The following KCNE3 variants were observed in gnomAD, a reference collection of about 807,000 sequenced individuals.
KCNE3 encodes the protein potassium voltage-gated channel subfamily E member 3.
Under a neutral mutation model 4.3 loss-of-function variants are expected in KCNE3, and 2 were observed. The observed-to-expected ratio is 0.47, with a 90% CI of 0.19 to 1.48. KCNE3 has a LOEUF of 1.48. Among genes scored for constraint, KCNE3 ranks in the 40% most tolerant of loss-of-function variants. The pLI is 0.25. For missense variants in KCNE3, 128 were observed against 136.8 expected, an observed-to-expected ratio of 0.94 and a Z score of 0.32; for synonymous variants, 47 against 52.0, an observed-to-expected ratio of 0.90 and a Z score of 0.41.
In KCNE3 at chr11:74,461,538, G is replaced by A. The variant is rs535466345; in HGVS notation, c.-41+417C>T. 2.6e-5 allele frequency among the ~76,000 whole-genome samples: 4 copies of A among 151,970 alleles called. No homozygotes were observed. In the South Asian group the frequency reaches 8.3e-4, roughly 32 times the overall value. On this transcript the variant is annotated intron_variant, in intron 2 of 2. Coordinates refer to ENST00000310128, the MANE Select transcript of KCNE3 (RefSeq NM_005472.5). ...CTCAGGAGGCTGAGGCAGGAGAACC[G>A]CTTGAACTCAGGAGGTGGAAGTTGC... is the stretch of plus-strand genomic sequence containing the variant.
chr11:74,461,295 TGTGTGTG>T (rs1863948034), intron 2 of KCNE3, among the ~76,000 whole-genome samples: 2 of 22,098 alleles, frequency 9.1e-5, no homozygotes, highest in Non-Finnish European at 3.8e-4. Context: ...TTATGTTTTG[TGTGTGTG>T]TGTGTGTGTG....
chr11:74,457,384 G>A lies in KCNE3; in HGVS notation c.180C>T (p.Tyr60=). The A allele has an allele frequency of 6.2e-7, 1 of 1,614,170 alleles. No homozygotes were observed. The highest frequency in any genetic ancestry group is 8.5e-7 in the Non-Finnish European group (1 of 1,180,002). The change falls in exon 3 of 3, where the codon TAC becomes TAT. Residue 60 remains tyrosine (Y), a synonymous_variant. Coordinates refer to ENST00000310128, the MANE Select transcript of KCNE3 (RefSeq NM_005472.5). Reference sequence around the variant, plus strand: ...CAAATAGAAACATGACAAAGAGAATGTACATGTAGGAGTTGTCATCACGGC... The same window carrying A: ...CAAATAGAAACATGACAAAGAGAATATACATGTAGGAGTTGTCATCACGGC... The part of the protein sequence containing the change: ...LPGRDDNSYM[Y]ILFVMFLFAV...
At chr11:74,458,166 CA>C in intron 2 of KCNE3, among the ~76,000 whole-genome samples, 1 of 152,322 alleles carries the variant, frequency 6.6e-6, no homozygotes, top group African/African-American at 2.4e-5. Context: ...CTGCTATATG[CA>C]ATCACTTATG....
At chr11:74,464,515 A>C (rs1199511173) in intron 1 of KCNE3, among the ~76,000 whole-genome samples, 1 of 152,268 alleles carries the variant, frequency 6.6e-6, no homozygotes, top group African/African-American at 2.4e-5. Context: ...TGGAAGGACA[A>C]AGGAATAGAA....
intron 2 of KCNE3, among the ~76,000 whole-genome samples, chr11:74,459,217 T>C (rs560660709): frequency 3.9e-5 from 6 of 152,108 alleles, no homozygotes; most frequent in Non-Finnish European, 4.4e-5. Context: ...AAATGTTCCT[T>C]TCCCTTCTTC....
intron 2 of KCNE3, 34 bp from the exon 3 acceptor site, chr11:74,457,637 C>T: frequency 7.5e-7 from 1 of 1,334,060 alleles, no homozygotes; most frequent in Admixed American, 1.7e-5. Flanking sequence ...GGGGATGGCT[C>T]TGTCACCTGC....
intron 1 of KCNE3, among the ~76,000 whole-genome samples, chr11:74,465,612 A>G (rs1180761827): frequency 6.6e-6 from 1 of 151,610 alleles, no homozygotes; most frequent in Non-Finnish European, 1.5e-5. Flanking sequence ...ACACAGTCCA[A>G]CTCCCCAGTC....
chr11:74,461,861 G>T (rs543205945), intron 2 of KCNE3, 94 bp downstream of exon 2: 5 of 152,216 alleles, frequency 3.3e-5, no homozygotes, highest in South Asian at 2.1e-4. Context: ...CCATCCCAGG[G>T]CAGGGCAGTT....
rs1449542106 is a variant in KCNE3 at position 74,455,228 on chromosome 11, C to T, written c.*2024G>A. On this transcript the variant is annotated 3_prime_UTR_variant, in exon 3 of 3. Coordinates refer to ENST00000310128, the MANE Select transcript of KCNE3 (RefSeq NM_005472.5). ...CTATAACCCAATTCCTCAGAGATAACTGCTGTCAGAATATTATTTCAGAGT... is the reference window on the plus strand; with the variant it reads ...CTATAACCCAATTCCTCAGAGATAATTGCTGTCAGAATATTATTTCAGAGT... The T allele has an allele frequency of 6.6e-6, 1 of 152,170 alleles. No individual in the cohort carries two copies. Among genetic ancestry groups the T allele is most frequent in the East Asian group, 1.9e-4 (1 of 5,200 alleles). The allele number at this position is 152,170 out of a possible 1,614,324, so 9.4% of individuals were successfully genotyped here.
chr11:74,466,446 A>C (rs1023619523), intron 1 of KCNE3, among the ~76,000 whole-genome samples: 4 of 152,156 alleles, frequency 2.6e-5, no homozygotes, highest in Non-Finnish European at 1.5e-5. Flanking sequence ...GGATGCAAGG[A>C]AATAAGGAGG....
chr11:74,458,941 A>G (rs1038106519), intron 2 of KCNE3, among the ~76,000 whole-genome samples: 16 of 152,286 alleles, frequency 1.1e-4, no homozygotes, highest in Admixed American at 6.5e-4. Context: ...TGCCCTCTCA[A>G]GCATCCTGTG....
At chr11:74,460,483 A>C (rs2135011438) in intron 2 of KCNE3, among the ~76,000 whole-genome samples, 1 of 152,378 alleles carries the variant, frequency 6.6e-6, no homozygotes, top group South Asian at 2.1e-4. Flanking sequence ...GAAAGGAATA[A>C]GTGATGGATA....
In KCNE3 at chr11:74,457,543, C is replaced by T. The variant is rs201582585; in HGVS notation, c.21G>A (p.Thr7=). The T allele has an allele frequency of 3.6e-5, 58 of 1,614,018 alleles. No individual in the cohort carries two copies. Among genetic ancestry groups the T allele is most frequent in the Middle Eastern group, 1.6e-4 (1 of 6,078 alleles). METTNG[T]ETWYESLHAV... ...CATGCAGGCTCTCATACCAGGTCTCCGTTCCATTGGTAGTCTCCATAGCAA... is the reference window on the plus strand; with the variant it reads ...CATGCAGGCTCTCATACCAGGTCTCTGTTCCATTGGTAGTCTCCATAGCAA... The change falls in exon 3 of 3, where the codon ACG becomes ACA. Residue 7 remains threonine, a synonymous_variant. Transcript: ENST00000310128.
At chr11:74,459,420 C>T (rs959445359) in intron 2 of KCNE3, among the ~76,000 whole-genome samples, 9 of 151,954 alleles carry the variant, frequency 5.9e-5, no homozygotes, top group Non-Finnish European at 8.8e-5. Context: ...CGCCATCACG[C>T]CAGGCTAATT....
rs113583236 is a variant in KCNE3, at chr11:74,456,155, A to AATATATATATATATATATATATAT, written c.*1073_*1096dup. The stretch of plus-strand genomic sequence containing the variant: ...ACATGTGAAACCCTGTCTCTACTTA[A>AATATATATATATATATATATATAT]ATATATATATATATATATATATATA... On this transcript the variant is annotated 3_prime_UTR_variant, in exon 3 of 3. Transcript: ENST00000310128. 628 of 113,006 alleles carry AATATATATATATATATATATATAT rather than the reference A, an allele frequency of 5.6e-3. 16 individuals are homozygous for AATATATATATATATATATATATAT. Among genetic ancestry groups the AATATATATATATATATATATATAT allele is most frequent in the South Asian group, 8.3e-3 (27 of 3,268 alleles). The allele number at this position is 113,006 out of a possible 1,614,324, so 7.0% of individuals were successfully genotyped here. A position where few individuals can be genotyped will look rare whatever the true frequency, so the allele number is the denominator to read the frequency against.
chr11:74,465,124 GTA>G (rs1491088407), intron 1 of KCNE3, among the ~76,000 whole-genome samples: 8 of 151,088 alleles, frequency 5.3e-5, no homozygotes, highest in Non-Finnish European at 5.9e-5. Flanking sequence ...GTGTGTGTGT[GTA>G]TGTGTGTGTG....
chr11:74,457,788 G>C (rs1354473773), intron 2 of KCNE3, among the ~76,000 whole-genome samples, 185 bp from the exon 3 acceptor site: 2 of 152,176 alleles, frequency 1.3e-5, no homozygotes, highest in African/African-American at 4.8e-5. Context: ...GACCCAGTAG[G>C]AGGTAACTGA....
intron 1 of KCNE3, chr11:74,462,899 G>A (rs927325941): frequency 6.6e-6 from 1 of 152,222 alleles, no homozygotes; most frequent in Non-Finnish European, 1.5e-5. Flanking sequence ...GTCCTGTGAT[G>A]ATACGAATCA....
chr11:74,458,377 T>C (rs1337946602), intron 2 of KCNE3, among the ~76,000 whole-genome samples: 1 of 152,248 alleles, frequency 6.6e-6, no homozygotes. Flanking sequence ...ATAAGTGGCT[T>C]GTCCATGATC....
Sources: gnomAD v4.1 joint callset for allele counts (sites outside exome capture counted in the v4.1 genomes callset) on GRCh38, gnomAD v4.1.1 for gene constraint, MANE v1.5 for transcripts, NCBI Gene and HGNC (gene_info 2026-07-23, HGNC 2026-07-21) for gene names.